Variants in XRCC5 observed in about 807,000 individuals in gnomAD.
The protein encoded by XRCC5 is X-ray repair cross complementing 5.
In XRCC5, 12 loss-of-function variants were observed where a neutral mutation model predicts 95.7. That is an observed-to-expected ratio of 0.13 (90% CI 0.08 to 0.20). The LOEUF is 0.20. Ranked by LOEUF, XRCC5 falls within the 10% of genes least tolerant of loss-of-function variation. The pLI is 1.00. For synonymous variants in XRCC5, 281 were observed against 290.3 expected (o/e 0.97, Z 0.33); for missense variants, 595 against 873.9 (o/e 0.68, Z 4.02).
At chr2:216,117,437 A>C in intron 3 of XRCC5, 1 of 348,062 alleles carries the variant, frequency 2.9e-6, no homozygotes, top group Non-Finnish European at 5.3e-6. Context: ...ATATTTAAGA[A>C]TGGACTGTGG....
intron 5 of XRCC5, among the ~76,000 whole-genome samples, chr2:216,121,709 A>G (rs1459106566): frequency 6.6e-6 from 1 of 152,198 alleles, no homozygotes; most frequent in Non-Finnish European, 1.5e-5. Context: ...ACAGTGTGGA[A>G]GAGGCCAGTC....
intron 18 of XRCC5, among the ~76,000 whole-genome samples, chr2:216,193,399 ATTATGT>A (rs1262697386): frequency 6.6e-6 from 1 of 152,236 alleles, no homozygotes; most frequent in Non-Finnish European, 1.5e-5. Flanking sequence ...TATGAAAATG[ATTATGT>A]TTATGAGATA....
chr2:216,168,901 A>G (rs1689101701), intron 16 of XRCC5, among the ~76,000 whole-genome samples: 1 of 152,252 alleles, frequency 6.6e-6, no homozygotes. Flanking sequence ...TAGGAATTCA[A>G]ACGCATGTCT....
chr2:216,139,367 C>CACTT (rs1553571617), intron 12 of XRCC5, among the ~76,000 whole-genome samples: 1 of 151,722 alleles, frequency 6.6e-6, no homozygotes, highest in Non-Finnish European at 1.5e-5. Flanking sequence ...AGGCGAAAGG[C>CACTT]ACTTACATGG....
intron 16 of XRCC5, among the ~76,000 whole-genome samples, chr2:216,174,095 C>T (rs1293317486): frequency 6.6e-6 from 1 of 152,116 alleles, no homozygotes; most frequent in Non-Finnish European, 1.5e-5. Flanking sequence ...ATTATTTATT[C>T]TTTACATATT....
At position 216,205,291 on chromosome 2, in the gene XRCC5, G is replaced by A. The variant is rs1352094671; in HGVS notation, c.*89G>A. ...ACAAGTTGGATGCGGCCATTCAAGGGGAGCCAAAATCTCAAGAAATTCCCA... is the reference window on the plus strand; with the variant it reads ...ACAAGTTGGATGCGGCCATTCAAGGAGAGCCAAAATCTCAAGAAATTCCCA... On this transcript the variant is annotated 3_prime_UTR_variant, in exon 21 of 21. Transcript: ENST00000392132. The A allele has an allele frequency of 1.2e-5, 19 of 1,556,018 alleles. No individual in the cohort carries two copies. The highest frequency in any genetic ancestry group is 1.7e-4 in the Middle Eastern group (1 of 5,976).
intron 4 of XRCC5, among the ~76,000 whole-genome samples, chr2:216,118,384 C>T (rs1226823064): frequency 6.6e-6 from 1 of 152,106 alleles, no homozygotes; most frequent in African/African-American, 2.4e-5. Context: ...CACTATTTTG[C>T]CCAGGTTTTC....
At chr2:216,190,075 C>T (rs971403723) in intron 16 of XRCC5, 150 bp from the exon 17 acceptor site, 3 of 522,742 alleles carry the variant, frequency 5.7e-6, no homozygotes, top group Non-Finnish European at 9.8e-6. Context: ...AATTTTGCAT[C>T]TCATCTCTCC....
At chr2:216,162,069 T>G in intron 16 of XRCC5, 21 bp downstream of exon 16, 2 of 1,608,942 alleles carry the variant, frequency 1.2e-6, no homozygotes, top group Non-Finnish European at 1.7e-6. Flanking sequence ...GACTTTGCAT[T>G]TAGGAGAAGC....
At chr2:216,119,229 C>T (rs1281684118) in intron 5 of XRCC5, 64 bp downstream of exon 5, 7 of 1,584,816 alleles carry the variant, frequency 4.4e-6, no homozygotes, top group African/African-American at 4.0e-5. Flanking sequence ...TGAATGGGCC[C>T]TCTGTATAGA....
rs750307850 is a variant in XRCC5 at position 216,147,642 on chromosome 2, C to T, written c.1477-441C>T. 1.3e-5 allele frequency among the ~76,000 whole-genome samples: 2 copies of T among 152,116 alleles called. 1 individual carries two copies. The highest frequency in any genetic ancestry group is 1.3e-4 in the Admixed American group (2 of 15,274). ...AGCATGGGCAGCTTCCCTGTAGCCA[C>T]CTGTTTCATCCACCACATGGCATTC... On this transcript the variant is annotated intron_variant, in intron 13 of 20. Coordinates refer to ENST00000392132, the MANE Select transcript of XRCC5 (RefSeq NM_021141.4).
At chr2:216,133,325 A>G (rs922094779) in intron 10 of XRCC5, among the ~76,000 whole-genome samples, 8 of 152,234 alleles carry the variant, frequency 5.3e-5, no homozygotes, top group African/African-American at 1.7e-4. Context: ...TCAAACCACA[A>G]CTTAGCTGAA....
At position 216,195,344 on chromosome 2, in the gene XRCC5, T is replaced by G. The variant is rs12989653; in HGVS notation, c.2109+358T>G. On this transcript the variant is annotated intron_variant, in intron 19 of 20. Coordinates refer to ENST00000392132, the MANE Select transcript of XRCC5 (RefSeq NM_021141.4). ...GTTACTTGGTGAGCTTGTTTTTCTT[T>G]TTTTTCTTTTCTTTTCTTTTCTTTT... 4.7e-3 allele frequency among the ~76,000 whole-genome samples: 629 copies of G among 133,840 alleles called. 14 individuals carry two copies. Among genetic ancestry groups the G allele is most frequent in the Non-Finnish European group, 4.8e-3 (309 of 64,548 alleles). 87.8% of individuals were successfully genotyped at this position (133,840 alleles called of 152,430 possible).
chr2:216,126,174 G>C (rs1475889102), intron 7 of XRCC5, 143 bp downstream of exon 7: 1 of 659,738 alleles, frequency 1.5e-6, no homozygotes, highest in African/African-American at 1.8e-5. Flanking sequence ...TTTAATCTCT[G>C]TTTAGCTTTT....
At chr2:216,118,253 C>T (rs1251457821) in intron 4 of XRCC5, among the ~76,000 whole-genome samples, 1 of 151,440 alleles carries the variant, frequency 6.6e-6, no homozygotes, top group East Asian at 1.9e-4. Context: ...CTCACAGCAA[C>T]CTCAGCTTGA....
At chr2:216,193,738 A>G (rs1689662802) in intron 18 of XRCC5, among the ~76,000 whole-genome samples, 2 of 152,242 alleles carry the variant, frequency 1.3e-5, no homozygotes, top group Non-Finnish European at 2.9e-5. Context: ...TACAGGTCAT[A>G]TGCAAAATCC....
At chr2:216,198,498 C>T (rs1483755240) in intron 19 of XRCC5, among the ~76,000 whole-genome samples, 2 of 151,974 alleles carry the variant, frequency 1.3e-5, no homozygotes. Context: ...TTTTGTTTTC[C>T]AGAGTGAAAA....
At chr2:216,181,216 T>C (rs207945) in intron 16 of XRCC5, among the ~76,000 whole-genome samples, 71,131 of 151,990 alleles carry the variant, frequency 0.47, 17,235 homozygotes, top group African/African-American at 0.54. Context: ...CCTTTCCATC[T>C]TATCACTATC....
chr2:216,127,847 TAGGCAGGTTGCTTCTC>T (rs1251031460), intron 8 of XRCC5, 173 bp downstream of exon 8: 1 of 608,082 alleles, frequency 1.6e-6, no homozygotes, highest in Admixed American at 4.1e-5. Context: ...TGTTGGGTCT[TAGGCAGGTTGCTTCTC>T]AGGAGTACAC....
Sources: allele counts gnomAD v4.1 joint callset (sites outside exome capture counted in the v4.1 genomes callset), GRCh38; gene constraint gnomAD v4.1.1; transcripts MANE v1.5; gene names NCBI Gene and HGNC (gene_info 2026-07-23, HGNC 2026-07-21).